KAZN: variants seen among roughly 807,000 people sequenced by gnomAD.
The protein encoded by KAZN is kazrin.
A neutral mutation model predicts 87.4 loss-of-function variants in KAZN; 40 were observed. The ratio of observed to expected loss-of-function variants is 0.46; its 90% CI spans 0.36 to 0.60. KAZN has a LOEUF of 0.60. KAZN is among the 20% of genes least tolerant of loss of function. The pLI, the probability that KAZN is intolerant of heterozygous loss-of-function variation, is 0.00. For missense variants in KAZN, 898 were observed against 1,073.9 expected, an observed-to-expected ratio of 0.84 and a Z score of 2.29; for synonymous variants, 466 against 458.3, an observed-to-expected ratio of 1.02 and a Z score of -0.22.
rs553349799 is a variant in KAZN, at chr1:14,817,647, C to T, written c.227-143037C>T. On this transcript the variant is annotated intron_variant, in intron 1 of 14. Transcript: ENST00000376030. The stretch of plus-strand genomic sequence containing the variant: ...CATATGGTAGAAAATTTAGAAGTCA[C>T]GTGAGGTTAATTGGTCAAGAGAAAA... Among the ~76,000 whole-genome samples, 20 of 152,216 alleles carry T rather than the reference C, an allele frequency of 1.3e-4. No individual in the cohort carries two copies. The East Asian group carries it at 2.9e-3, about 22-fold the overall frequency.
intron 1 of KAZN, among the ~76,000 whole-genome samples, chr1:14,673,814 G>C (rs953386269): frequency 4.6e-5 from 7 of 152,166 alleles, no homozygotes; most frequent in Non-Finnish European, 8.8e-5. Context: ...CCAGGCTAAG[G>C]AGTCTTAACA....
chr1:14,172,633 TG>T (rs1365229659), intron 1 of KAZN, among the ~76,000 whole-genome samples: 1 of 152,232 alleles, frequency 6.6e-6, no homozygotes, highest in African/African-American at 2.4e-5. Context: ...CTCAGCTTTG[TG>T]GGCCAGGAAT....
intron 1 of KAZN, among the ~76,000 whole-genome samples, chr1:14,758,326 C>A (rs1328179695): frequency 1.6e-5 from 2 of 121,546 alleles, no homozygotes; most frequent in Non-Finnish European, 3.5e-5. Context: ...GCACCACACC[C>A]AACTAATATT....
intron 1 of KAZN, among the ~76,000 whole-genome samples, chr1:14,070,052 C>T (rs984336322): frequency 1.3e-5 from 2 of 151,412 alleles, no homozygotes; most frequent in African/African-American, 2.4e-5. Context: ...GCCTGTAGTC[C>T]CAGCTACTCG....
rs774639137 is a variant in KAZN at position 15,094,059 on chromosome 1, G to T, written c.1223-121G>T. 20 of 788,812 alleles carry T rather than the reference G, an allele frequency of 2.5e-5. No individual in the cohort carries two copies. Among genetic ancestry groups the T allele is most frequent in the South Asian group, 1.3e-4 (7 of 53,846 alleles). 48.9% of individuals were successfully genotyped at this position (788,812 alleles called of 1,614,324 possible). The stretch of plus-strand genomic sequence containing the variant: ...AAACGCCAAAAGCCACTTTGATTTT[G>T]AAGAGAATACATGGAGGGGAGGATG... On this transcript the variant is annotated intron_variant, in intron 8 of 14. Coordinates refer to ENST00000376030, the MANE Select transcript of KAZN (RefSeq NM_201628.3). This position sits in a 1 kb window ranked among gnomAD's most constrained non-coding sequence, Gnocchi z 4.5.
rs75369896 is a variant in KAZN at position 15,033,566 on chromosome 1, C to G, written c.419-1183C>G. On this transcript the variant is annotated intron_variant, in intron 2 of 14. Transcript: ENST00000376030. ...CATGAGGATTCCAGTTTCTCCACAT[C>G]CCACCAGCCCTTGCTATTGTCTGTT... 5.8e-3 allele frequency among the ~76,000 whole-genome samples: 879 copies of G among 152,336 alleles called. 24 individuals are homozygous for G. In the East Asian group the frequency reaches 0.073, roughly 13 times the overall value.
At chr1:14,417,633 C>A (rs1436567017) in intron 2 of KAZN, among the ~76,000 whole-genome samples, 1 of 151,944 alleles carries the variant, frequency 6.6e-6, no homozygotes, top group Non-Finnish European at 1.5e-5. Flanking sequence ...TACAAGGAGA[C>A]CCTAGGAAAG....
chr1:14,364,253 TG>T (rs1489419358), intron 2 of KAZN, among the ~76,000 whole-genome samples: 2 of 152,122 alleles, frequency 1.3e-5, no homozygotes, highest in African/African-American at 4.8e-5. Flanking sequence ...CCAGAGTCAC[TG>T]GGTTAAAACT....
chr1:14,521,763 G>C (rs973268083), intron 2 of KAZN, among the ~76,000 whole-genome samples: 1 of 152,124 alleles, frequency 6.6e-6, no homozygotes, highest in Non-Finnish European at 1.5e-5. Context: ...GAGGAAGTGT[G>C]GTTACTGAGG....
intron 1 of KAZN, among the ~76,000 whole-genome samples, chr1:14,764,188 C>T (rs1406952243): frequency 6.6e-6 from 1 of 152,072 alleles, no homozygotes; most frequent in East Asian, 1.9e-4. Context: ...ATCCACATTC[C>T]CGGGGCACTG....
intron 1 of KAZN, among the ~76,000 whole-genome samples, chr1:14,890,530 C>T (rs985329277): frequency 1.3e-4 from 20 of 151,942 alleles, no homozygotes; most frequent in African/African-American, 2.4e-4. Context: ...CCTTTCTGCC[C>T]GCCTTTTAAA....
intron 1 of KAZN, among the ~76,000 whole-genome samples, chr1:13,934,215 C>T (rs755902375): frequency 2.0e-5 from 3 of 152,154 alleles, no homozygotes; most frequent in Non-Finnish European, 4.4e-5. Flanking sequence ...AGATAAGTTG[C>T]GACAAAGGGT....
At chr1:14,860,253 G>T (rs188101418) in intron 1 of KAZN, among the ~76,000 whole-genome samples, 1 of 151,628 alleles carries the variant, frequency 6.6e-6, no homozygotes, top group Non-Finnish European at 1.5e-5. Context: ...GTGCAGTGGC[G>T]TGATCTCAGT....
chr1:14,402,257 G>C (rs767919196), intron 2 of KAZN, among the ~76,000 whole-genome samples: 1 of 150,098 alleles, frequency 6.7e-6, no homozygotes, highest in Admixed American at 6.6e-5. Flanking sequence ...AAAAATCTTC[G>C]ATGTTATAGG....
At chr1:14,937,008 G>C (rs935068154) in intron 1 of KAZN, among the ~76,000 whole-genome samples, 1 of 152,104 alleles carries the variant, frequency 6.6e-6, no homozygotes, top group East Asian at 1.9e-4. Flanking sequence ...TTCCCACCCC[G>C]AACTAAGTCC....
At chr1:14,107,205 G>A (rs1379957522) in intron 1 of KAZN, among the ~76,000 whole-genome samples, 1 of 151,626 alleles carries the variant, frequency 6.6e-6, no homozygotes, top group African/African-American at 2.4e-5. Context: ...GAGGGCTGAT[G>A]TTTCCTGGAG....
rs1570879148 is a variant in KAZN at position 14,150,459 on chromosome 1, C to T, written c.92-29976C>T. ...CACTTGGCCTGCAACAAAGAACCAT[C>T]TGCCCCCAGAACTTCCAACTTCATT... On this transcript the variant is annotated intron_variant, in intron 1 of 16. Coordinates refer to the KAZN transcript ENST00000636203. 2.0e-5 allele frequency among the ~76,000 whole-genome samples: 3 copies of T among 152,238 alleles called. No homozygotes were observed. The East Asian group carries it at 5.8e-4, about 29-fold the overall frequency.
intron 2 of KAZN, among the ~76,000 whole-genome samples, chr1:14,530,632 C>G (rs1672156540): frequency 6.6e-6 from 1 of 152,154 alleles, no homozygotes; most frequent in Non-Finnish European, 1.5e-5. Context: ...CTCTCTCTCT[C>G]TCTCGCTCCC....
chr1:14,405,609 T>TGTGA (rs1340961005), intron 2 of KAZN, among the ~76,000 whole-genome samples: 96 of 121,578 alleles, frequency 7.9e-4, no homozygotes, highest in African/African-American at 3.2e-3. Context: ...CAATAAAATG[T>TGTGA]GTGTGTGTGT....
Sources: gnomAD v4.1 joint callset for allele counts (sites outside exome capture counted in the v4.1 genomes callset) on GRCh38, gnomAD v4.1.1 for gene constraint, Gnocchi (gnomAD v3.1) non-coding constraint, MANE v1.5 for transcripts, NCBI Gene and HGNC (gene_info 2026-07-23, HGNC 2026-07-21) for gene names.